MUC5B: variants seen among roughly 807,000 people sequenced by gnomAD.
MUC5B encodes the protein mucin 5B, oligomeric mucus/gel-forming.
Under a neutral mutation model 376.9 loss-of-function variants are expected in MUC5B, and 116 were observed. The ratio of observed to expected loss-of-function variants is 0.31; its 90% CI spans 0.26 to 0.36. The LOEUF is 0.36. Among genes scored for constraint, MUC5B ranks in the 10% least tolerant of loss-of-function variants. The pLI, the probability that MUC5B is intolerant of heterozygous loss-of-function variation, is 1.00. For missense variants in MUC5B, 7,165 were observed against 7,769.9 expected, an observed-to-expected ratio of 0.92 and a Z score of 2.93; for synonymous variants, 3,517 against 3,390.9, an observed-to-expected ratio of 1.04 and a Z score of -1.29.
chr11:1,226,675 C>T lies in MUC5B; in HGVS notation c.260C>T (p.Thr87Ile), dbSNP rs976262831. Residue 87 changes from threonine to isoleucine, a missense_variant, in exon 4 of 49, where the codon ACC becomes ATC. By Grantham distance (89) the Thr-to-Ile change is moderately conservative. Around this residue, in one of 31 missense-constraint regions of MUC5B, gnomAD observed 640 missense variants for 733.0 expected, o/e 0.87. Transcript: ENST00000529681. ...CSTWGDFHYK[T>I]FDGDVFRFPG... Reference sequence around the variant, plus strand: ...ACCTGGGGTGACTTCCACTACAAGACCTTCGACGGCGACGTCTTCCGCTTC... The same window carrying T: ...ACCTGGGGTGACTTCCACTACAAGATCTTCGACGGCGACGTCTTCCGCTTC... 1.2e-5 allele frequency: 19 copies of T among 1,612,340 alleles called. No individual in the cohort carries two copies. Among genetic ancestry groups the T allele is most frequent in the Non-Finnish European group, 1.6e-5 (19 of 1,179,724 alleles).
Position 1,249,616 on chromosome 11 carries a change from A to T in MUC5B, c.12736A>T (p.Thr4246Ser). ...GGCCATGCCCTCCTCCACTCCGGGG[A>T]CGACCTGGATCCTCACAGAGCTGAC... is the stretch of plus-strand genomic sequence containing the variant. ...STAMPSSTPG[T>S]TWILTELTTT... Residue 4246 changes from threonine (T) to serine (S), a missense_variant, in exon 31 of 49, where the codon ACG (threonine) becomes TCG (serine). Physicochemically the swap from Thr to Ser is moderately conservative, Grantham distance 58. This residue lies in a region of MUC5B where 431 missense variants were observed against 390.4 expected (regional missense o/e 1.10). Transcript: ENST00000529681. 2 of 1,611,764 alleles carry T rather than the reference A, an allele frequency of 1.2e-6. No homozygotes were observed. The highest frequency in any genetic ancestry group is 8.5e-7 in the Non-Finnish European group (1 of 1,178,744).
chr11:1,252,382 A>G lies in MUC5B; in HGVS notation c.14903A>G (p.His4968Arg), dbSNP rs1862728724. ...AATAAGACCGACCGAGCCGGCTGCC[A>G]TTTCTACGCAGTGTGCAATCAGCAC... ...IYNKTDRAGC[H>R]FYAVCNQHCD... Residue 4968 changes from histidine (H) to arginine (R), a missense_variant, in exon 32 of 49, where the codon CAT becomes CGT. By Grantham distance (29) the His-to-Arg change is conservative (BLOSUM62 0). Around this residue, in one of 31 missense-constraint regions of MUC5B, gnomAD observed 730 missense variants for 592.7 expected, o/e 1.23. Transcript: ENST00000529681. 2 of 1,591,482 alleles carry G rather than the reference A, an allele frequency of 1.3e-6. No individual in the cohort carries two copies. Among genetic ancestry groups the G allele is most frequent in the African/African-American group, 1.3e-5 (1 of 74,074 alleles).
chr11:1,226,404 G>A (rs1352045630), intron 3 of MUC5B, 128 bp downstream of exon 3: 6 of 1,341,636 alleles, frequency 4.5e-6, no homozygotes, highest in Non-Finnish European at 6.2e-6. Flanking sequence ...CCTCCGTGTG[G>A]GCGGTCTCCT....
In MUC5B at chr11:1,257,835, G is replaced by A. The variant is rs1053174103; in HGVS notation, c.16450+125G>A. ...AGCCACTGTGTCCTGGCGTGACCGC[G>A]GCAGGACCACTCGGCAGAGATGGCC... On this transcript the variant is annotated intron_variant, in intron 41 of 48. Coordinates refer to ENST00000529681, the MANE Select transcript of MUC5B (RefSeq NM_002458.3). The surrounding 1 kb of genome is among the most constrained non-coding windows in gnomAD (Gnocchi z 8.9). 4.8e-5 allele frequency: 57 copies of A among 1,192,020 alleles called. No individual in the cohort carries two copies. Among genetic ancestry groups the A allele is most frequent in the Non-Finnish European group, 4.8e-5 (42 of 871,652 alleles). The allele number at this position is 1,192,020 out of a possible 1,614,324, so 73.8% of individuals were successfully genotyped here.
At position 1,254,192 on chromosome 11, in the gene MUC5B, T is replaced by C. The variant is rs1354835840; in HGVS notation, c.15318T>C (p.His5106=). The C allele has an allele frequency of 3.7e-6, 6 of 1,612,894 alleles. No individual in the cohort carries two copies. The highest frequency in any genetic ancestry group is 2.7e-5 in the African/African-American group (2 of 75,060). Residue 5106 remains histidine, a synonymous_variant, in exon 34 of 49, where the codon CAT becomes CAC. Transcript: ENST00000529681. ...CCTATGTCCTCATGAGAGAGATCCA[T>C]GCACGCTTTGGGAATCTCAGCCTCT... The part of the protein sequence containing the change: ...NCTYVLMREI[H]ARFGNLSLYL...
In MUC5B at chr11:1,248,726, C is replaced by G. The variant is rs200777126; in HGVS notation, c.11846C>G (p.Thr3949Ser). 9.0e-5 allele frequency: 141 copies of G among 1,565,510 alleles called. No homozygotes were observed. The African/African-American group carries it at 1.5e-3, about 17-fold the overall frequency. ...AGTGGTACTCCCCCATCACTGATCACCACGGCCACTACGATCACGGCCACC... is the reference window on the plus strand; with the variant it reads ...AGTGGTACTCCCCCATCACTGATCAGCACGGCCACTACGATCACGGCCACC... Reference protein sequence around the residue: ...QTSGTPPSLITTATTITATGS... With the variant: ...QTSGTPPSLISTATTITATGS... The change falls in exon 31 of 49, where the codon ACC becomes AGC. Residue 3949 changes from threonine (T) to serine (S), a missense_variant. Thr to Ser is a moderately conservative substitution (Grantham distance 58). This residue lies in a region of MUC5B where 242 missense variants were observed against 199.0 expected (regional missense o/e 1.22). Transcript: ENST00000529681.
chr11:1,247,571 C>T lies in MUC5B; in HGVS notation c.10691C>T (p.Thr3564Ile). The T allele has an allele frequency of 1.9e-6, 3 of 1,611,036 alleles. No homozygotes were observed. The highest frequency in any genetic ancestry group is 1.7e-6 in the Non-Finnish European group (2 of 1,179,452). The change falls in exon 31 of 49, where the codon ACC (threonine) becomes ATC (isoleucine). Residue 3564 changes from threonine to isoleucine, a missense_variant. This residue lies in a region of MUC5B where 81 missense variants were observed against 154.5 expected (regional missense o/e 0.52). Transcript: ENST00000529681. The part of the protein sequence containing the change: ...LPSSPTSAPI[T>I]TVVTTGCEPQ... ...AGCAGCCCCACATCGGCCCCCATAA[C>T]CACGGTGGTGACCACGGGCTGTGAG...
At chr11:1,224,059 G>C (rs1258796056) in intron 1 of MUC5B, among the ~76,000 whole-genome samples, 1 of 152,240 alleles carries the variant, frequency 6.6e-6, no homozygotes, top group African/African-American at 2.4e-5. Context: ...CTGGGCCCGG[G>C]GGGAGCTGCG....
At chr11:1,228,020 A>T (rs562364959) in intron 7 of MUC5B, among the ~76,000 whole-genome samples, 18 of 152,340 alleles carry the variant, frequency 1.2e-4, no homozygotes, top group Admixed American at 1.1e-3. Flanking sequence ...CCCATGCTGC[A>T]CAGGCTGGGC....
intron 25 of MUC5B, among the ~76,000 whole-genome samples, chr11:1,237,664 G>A (rs1487135926): frequency 2.0e-5 from 3 of 152,150 alleles, no homozygotes; most frequent in African/African-American, 4.8e-5. Context: ...GAGGTCAGGA[G>A]TTTGAGACCA....
At chr11:1,230,888 G>T (rs1404225474) in intron 12 of MUC5B, 48 bp from the exon 13 acceptor site, 18 of 1,551,700 alleles carry the variant, frequency 1.2e-5, no homozygotes, top group Non-Finnish European at 1.6e-5. Context: ...TGAGAGTCGG[G>T]AATGGGTTCC....
Position 1,246,276 on chromosome 11 carries a change from C to G in MUC5B, c.9396C>G (p.Thr3132=), listed in dbSNP as rs1179250652. ...MSTPSSTPGT[T]WILTELTTAA... is the part of the protein sequence containing the mutation. Reference sequence around the variant, plus strand: ...CCCCCTCCTCCACTCCGGGGACGACCTGGATCCTCACAGAGCTGACCACAG... The same window carrying G: ...CCCCCTCCTCCACTCCGGGGACGACGTGGATCCTCACAGAGCTGACCACAG... Residue 3132 remains threonine (T), a synonymous_variant, in exon 31 of 49, where the codon ACC becomes ACG. Coordinates refer to ENST00000529681, the MANE Select transcript of MUC5B (RefSeq NM_002458.3). 6.2e-7 allele frequency: 1 copy of G among 1,611,200 alleles called. No homozygotes were observed. Among genetic ancestry groups the G allele is most frequent in the Admixed American group, 1.7e-5 (1 of 59,886 alleles).
chr11:1,226,527 A>G lies in MUC5B; in HGVS notation c.200-88A>G, dbSNP rs1409474254. 9.5e-5 allele frequency: 142 copies of G among 1,496,692 alleles called. No homozygotes were observed. The Admixed American group carries it at 1.2e-3, about 12-fold the overall frequency. The allele number at this position is 1,496,692 out of a possible 1,614,324, so 92.7% of individuals were successfully genotyped here. A position where few individuals can be genotyped will look rare whatever the true frequency, so the allele number is the denominator to read the frequency against. ...CCAGCAGCCGACCATGGGCTTTTCC[A>G]TTCCAAAAACCAGGGTGCCTCGGCC... is the stretch of plus-strand genomic sequence containing the variant. On this transcript the variant is annotated intron_variant, in intron 3 of 48. Transcript: ENST00000529681.
In MUC5B at chr11:1,234,717, G is replaced by C. The variant is rs1393261160; in HGVS notation, c.2630+37G>C. On this transcript the variant is annotated intron_variant, in intron 21 of 48. Coordinates refer to ENST00000529681, the MANE Select transcript of MUC5B (RefSeq NM_002458.3). The surrounding 1 kb of genome is among the most constrained non-coding windows in gnomAD (Gnocchi z 6.3). Reference sequence around the variant, plus strand: ...GTCTCTCGGAGGCAGCAGGTGGGGAGGGCGGGGGCGGGGAGGGCAGCGGGT... The same window carrying C: ...GTCTCTCGGAGGCAGCAGGTGGGGACGGCGGGGGCGGGGAGGGCAGCGGGT... The C allele has an allele frequency of 4.4e-6, 5 of 1,141,414 alleles. No individual in the cohort carries two copies. The highest frequency in any genetic ancestry group is 6.0e-6 in the Non-Finnish European group (5 of 830,106). 70.7% of individuals were successfully genotyped at this position (1,141,414 alleles called of 1,614,324 possible).
rs1359612421 is a variant in MUC5B at position 1,245,848 on chromosome 11, A to T, written c.8968A>T (p.Thr2990Ser). Residue 2990 changes from threonine (T) to serine (S), a missense_variant, in exon 31 of 49, where the codon ACC (threonine) becomes TCC (serine). Coordinates refer to ENST00000529681, the MANE Select transcript of MUC5B (RefSeq NM_002458.3). ...CACGCCCTCCTCCACTCCAGGGACGACCTGGATCCTCACAGAGCAGACCAC... is the reference window on the plus strand; with the variant it reads ...CACGCCCTCCTCCACTCCAGGGACGTCCTGGATCCTCACAGAGCAGACCAC... ...TATPSSTPGT[T>S]WILTEQTTAA... 1 of 1,613,386 alleles carries T rather than the reference A, an allele frequency of 6.2e-7. No individual in the cohort carries two copies. The highest frequency in any genetic ancestry group is 1.1e-5 in the South Asian group (1 of 91,062).
Position 1,260,648 on chromosome 11 carries a change from C to T in MUC5B, c.16989C>T (p.Asn5663=). Residue 5663 remains asparagine, a synonymous_variant, in exon 48 of 49, where the codon AAC becomes AAT. Transcript: ENST00000529681. ...CEEDSCQVRI[N]TTILWHQGCE... ...CAGACTCCTGTCAAGTCCGCATCAA[C>T]ACGACCATCCTGTGGCACCAGGGCT... The T allele has an allele frequency of 6.2e-7, 1 of 1,612,656 alleles. No homozygotes were observed. Among genetic ancestry groups the T allele is most frequent in the Non-Finnish European group, 8.5e-7 (1 of 1,179,780 alleles).
Position 1,242,693 on chromosome 11 carries a change from T to C in MUC5B, c.5813T>C (p.Val1938Ala). ...STLRTAPPPKVLTTTATTPTV... is the reference protein window; with the variant it reads ...STLRTAPPPKALTTTATTPTV... The stretch of plus-strand genomic sequence containing the variant: ...CTGAGAACAGCTCCCCCTCCCAAAG[T>C]GCTGACCACCACGGCCACCACACCC... The change falls in exon 31 of 49, where the codon GTG becomes GCG. Residue 1938 changes from valine to alanine, a missense_variant. Physicochemically the swap from Val to Ala is moderately conservative, Grantham distance 64. Coordinates refer to ENST00000529681, the MANE Select transcript of MUC5B (RefSeq NM_002458.3). The C allele has an allele frequency of 6.2e-7, 1 of 1,613,242 alleles. No individual in the cohort carries two copies. Among genetic ancestry groups the C allele is most frequent in the Non-Finnish European group, 8.5e-7 (1 of 1,179,698 alleles).
rs201585967 is a variant in MUC5B, at chr11:1,246,806, C to A, written c.9926C>A (p.Pro3309Gln). The change falls in exon 31 of 49, where the codon CCG (proline) becomes CAG (glutamine). Residue 3309 changes from proline to glutamine, a missense_variant. By Grantham distance (76) the Pro-to-Gln change is moderately conservative. Coordinates refer to ENST00000529681, the MANE Select transcript of MUC5B (RefSeq NM_002458.3). Reference protein sequence around the residue: ...TPGTAHTTKVPTTTTTGFTAT... With the variant: ...TPGTAHTTKVQTTTTTGFTAT... ...GGAACAGCTCACACTACCAAAGTGC[C>A]GACTACCACAACCACGGGCTTCACA... 1 of 1,572,468 alleles carries A rather than the reference C, an allele frequency of 6.4e-7. No individual in the cohort carries two copies. The highest frequency in any genetic ancestry group is 2.2e-5 in the East Asian group (1 of 44,812).
chr11:1,252,299 A>G (rs1166793102), intron 31 of MUC5B, 44 bp from the exon 32 acceptor site: 1 of 1,509,972 alleles, frequency 6.6e-7, no homozygotes, highest in Admixed American at 2.2e-5. Flanking sequence ...TGGCTTACCC[A>G]TCTCTGGGAG....
Sources: gnomAD v4.1 joint callset for allele counts (sites outside exome capture counted in the v4.1 genomes callset) on GRCh38, gnomAD v4.1.1 for gene constraint, gnomAD v4.1.1 regional missense constraint, Gnocchi (gnomAD v3.1) non-coding constraint, MANE v1.5 for transcripts, NCBI Gene and HGNC (gene_info 2026-07-23, HGNC 2026-07-21) for gene names.